AMER1: variants seen among roughly 807,000 people sequenced by gnomAD.
AMER1 encodes APC membrane recruitment protein 1.
Under a neutral mutation model 53.0 loss-of-function variants are expected in AMER1, and 16 were observed. The ratio of observed to expected loss-of-function variants is 0.30; its 90% CI spans 0.20 to 0.46. The LOEUF is 0.46. AMER1 is among the 20% of genes least tolerant of loss of function. The pLI, the probability that AMER1 is intolerant of heterozygous loss-of-function variation, is 1.00. For synonymous variants in AMER1, 354 were observed against 331.9 expected (o/e 1.07, Z -0.73); for missense variants, 947 against 884.9 (o/e 1.07, Z -0.89).
rs766550265 is a variant in AMER1 at position 64,192,102 on chromosome X, C to T, written c.1185G>A (p.Glu395=). Residue 395 remains glutamate (E), a synonymous_variant, in exon 2 of 2, where the codon GAG becomes GAA. Transcript: ENST00000374869. ...CATCTTCTTCCTCCTCCTTAACCTCCTCTTCTTCCTCCTCTAATTCCACCT... is the reference window on the plus strand; with the variant it reads ...CATCTTCTTCCTCCTCCTTAACCTCTTCTTCTTCCTCCTCTAATTCCACCT... ...EEEVELEEEE[E]EVKEEEEDDD... 4 of 1,209,119 alleles carry T rather than the reference C, an allele frequency of 3.3e-6. No homozygotes were observed. Among genetic ancestry groups the T allele is most frequent in the Non-Finnish European group, 4.5e-6 (4 of 894,405 alleles).
Position 64,185,789 on chromosome X carries a change from C to G in AMER1, c.*4090G>C. 4.7e-6 allele frequency: 1 copy of G among 211,799 alleles called. No individual in the cohort carries two copies. The highest frequency in any genetic ancestry group is 2.8e-5 in the African/African-American group (1 of 35,407). The allele number at this position is 211,799 out of a possible 1,213,427, so 17.5% of individuals were successfully genotyped here. ...ACAATCAACTGAGCTCCTAGGAAGT[C>G]CTATGCAAGGGTTTCCTCAACGAGA... On this transcript the variant is annotated 3_prime_UTR_variant, in exon 2 of 2. Coordinates refer to ENST00000374869, the MANE Select transcript of AMER1 (RefSeq NM_152424.4).
At position 64,185,949 on chromosome X, in the gene AMER1, C is replaced by T; in HGVS notation, c.*3930G>A. On this transcript the variant is annotated 3_prime_UTR_variant, in exon 2 of 2. Transcript: ENST00000374869. ...CCCAAAATGCTCCTTTGGAGAAACTCAACAAGACAAATAGCACAACATGGG... is the reference window on the plus strand; with the variant it reads ...CCCAAAATGCTCCTTTGGAGAAACTTAACAAGACAAATAGCACAACATGGG... 2.3e-6 allele frequency: 1 copy of T among 438,802 alleles called. No individual in the cohort carries two copies. Among genetic ancestry groups the T allele is most frequent in the Non-Finnish European group, 3.7e-6 (1 of 269,875 alleles). The allele number at this position is 438,802 out of a possible 1,213,427, so 36.2% of individuals were successfully genotyped here.
Position 64,193,218 on chromosome X carries a change from T to G in AMER1, c.69A>C (p.Gln23His). ...TGTTCTTGGCTCCTTTTTCTGCTGT[T>G]TGTTCACGGGTACTCCCAGAGGCTG... ...GAAASGSTRE[Q>H]TAEKGAKNKA... The change falls in exon 2 of 2, where the codon CAA (glutamine) becomes CAC (histidine). Residue 23 changes from glutamine to histidine, a missense_variant. Transcript: ENST00000374869. 1 of 1,211,872 alleles carries G rather than the reference T, an allele frequency of 8.3e-7. No individual in the cohort carries two copies. Among genetic ancestry groups the G allele is most frequent in the Non-Finnish European group, 1.1e-6 (1 of 895,548 alleles).
At chrX:64,201,016 G>T (rs1184022702) in intron 1 of AMER1, among the ~76,000 whole-genome samples, 1 of 110,809 alleles carries the variant, frequency 9.0e-6, no homozygotes, top group African/African-American at 3.3e-5. Flanking sequence ...CCCAGCGGGG[G>T]TAAAAACTGT....
chrX:64,189,639 G>A lies in AMER1; in HGVS notation c.*240C>T. On this transcript the variant is annotated 3_prime_UTR_variant, in exon 2 of 2. Transcript: ENST00000374869. ...TGGGTCACAAGAAGAAACCTCGAAA[G>A]CAAAAACTGGAGTGCAGTAGCAGCA... The A allele has an allele frequency of 2.0e-6, 2 of 989,888 alleles. No individual in the cohort carries two copies. The highest frequency in any genetic ancestry group is 2.5e-6 in the Non-Finnish European group (2 of 787,804). The allele number at this position is 989,888 out of a possible 1,213,427, so 81.6% of individuals were successfully genotyped here.
intron 1 of AMER1, among the ~76,000 whole-genome samples, chrX:64,198,467 T>C (rs1930421393): frequency 9.0e-6 from 1 of 111,495 alleles, no homozygotes; most frequent in African/African-American, 3.3e-5. Flanking sequence ...CAAGGTCACA[T>C]AGTGAAATGG....
chrX:64,201,672 G>C (rs189459003), intron 1 of AMER1, among the ~76,000 whole-genome samples: 2 of 111,869 alleles, frequency 1.8e-5, no homozygotes, highest in African/African-American at 6.5e-5. Flanking sequence ...AATAACATTG[G>C]ACATTCTCTC....
chrX:64,185,672 G>A lies in AMER1; in HGVS notation c.*4207C>T, dbSNP rs1422013480. 1.7e-5 allele frequency: 3 copies of A among 179,056 alleles called. No individual in the cohort carries two copies. The highest frequency in any genetic ancestry group is 3.2e-5 in the Non-Finnish European group (3 of 94,716). 14.8% of individuals were successfully genotyped at this position (179,056 alleles called of 1,213,427 possible). ...TCCACGTGTGAGCTGGAGCAGGGCA[G>A]GGGAGGGGGAATGGTGGTAGGGGAG... On this transcript the variant is annotated 3_prime_UTR_variant, in exon 2 of 2. Transcript: ENST00000374869.
Position 64,189,793 on chromosome X carries a change from A to ACGGGCCCCCCCCCCCCC in AMER1, c.*85_*86insGGGGGGGGGGGGGCCCG. 3.4e-6 allele frequency: 1 copy of ACGGGCCCCCCCCCCCCC among 292,069 alleles called. No homozygotes were observed. The highest frequency in any genetic ancestry group is 4.9e-6 in the Non-Finnish European group (1 of 204,827). The allele number at this position is 292,069 out of a possible 1,213,427, so 24.1% of individuals were successfully genotyped here. A position where few individuals can be genotyped will look rare whatever the true frequency, so the allele number is the denominator to read the frequency against. On this transcript the variant is annotated 3_prime_UTR_variant, in exon 2 of 2. Coordinates refer to ENST00000374869, the MANE Select transcript of AMER1 (RefSeq NM_152424.4). ...CAAAGGGTTTTCAAGTTAAACAACAACCCCCACCCCCCCACCCTTCTGCCC... is the reference window on the plus strand; with the variant it reads ...CAAAGGGTTTTCAAGTTAAACAACAACGGGCCCCCCCCCCCCCCCCCCACCCCCCCACCCTTCTGCCC...
At position 64,187,985 on chromosome X, in the gene AMER1, G is replaced by A; in HGVS notation, c.*1894C>T. On this transcript the variant is annotated 3_prime_UTR_variant, in exon 2 of 2. Transcript: ENST00000374869. ...ATGCAAATTCATGTGGTGCTTCCAG[G>A]GGTGCAGCTTCTACCAGCCAGGTCT... The A allele has an allele frequency of 1.3e-6, 1 of 781,122 alleles. No individual in the cohort carries two copies. Among genetic ancestry groups the A allele is most frequent in the Non-Finnish European group, 1.5e-6 (1 of 655,132 alleles). The allele number at this position is 781,122 out of a possible 1,213,427, so 64.4% of individuals were successfully genotyped here.
chrX:64,189,150 C>T lies in AMER1; in HGVS notation c.*729G>A. ...AAAGGCCCCCATCTGGTCATGATGC[C>T]AAAGTCCACAGCGATAGGCTGTGAG... is the stretch of plus-strand genomic sequence containing the variant. On this transcript the variant is annotated 3_prime_UTR_variant, in exon 2 of 2. Coordinates refer to ENST00000374869, the MANE Select transcript of AMER1 (RefSeq NM_152424.4). 1.3e-6 allele frequency: 1 copy of T among 799,937 alleles called. No individual in the cohort carries two copies. Among genetic ancestry groups the T allele is most frequent in the Non-Finnish European group, 1.5e-6 (1 of 667,262 alleles). The allele number at this position is 799,937 out of a possible 1,213,427, so 65.9% of individuals were successfully genotyped here.
chrX:64,186,976 A>C lies in AMER1; in HGVS notation c.*2903T>G, dbSNP rs943012104. On this transcript the variant is annotated 3_prime_UTR_variant, in exon 2 of 2. Coordinates refer to ENST00000374869, the MANE Select transcript of AMER1 (RefSeq NM_152424.4). ...TCCACTAAGTCCCATTTTCCCTTAA[A>C]ATCACATCCAAAAGCATTATTCCAG... 3 of 774,442 alleles carry C rather than the reference A, an allele frequency of 3.9e-6. No homozygotes were observed. The African/African-American group carries it at 6.8e-5, about 18-fold the overall frequency. 63.8% of individuals were successfully genotyped at this position (774,442 alleles called of 1,213,427 possible).
rs1162479474 is a variant in AMER1, at chrX:64,189,521, T to A, written c.*358A>T. ...GTGTGTGTGTGTGTGTGTGTATATA[T>A]ATATATATATATATATATATATATA... On this transcript the variant is annotated 3_prime_UTR_variant, in exon 2 of 2. Coordinates refer to ENST00000374869, the MANE Select transcript of AMER1 (RefSeq NM_152424.4). The A allele has an allele frequency of 1.8e-5, 1 of 56,908 alleles. No homozygotes were observed. The highest frequency in any genetic ancestry group is 9.8e-4 in the South Asian group (1 of 1,016). The allele number at this position is 56,908 out of a possible 1,213,427, so 4.7% of individuals were successfully genotyped here.
At chrX:64,199,525 G>A (rs759864844) in intron 1 of AMER1, among the ~76,000 whole-genome samples, 2 of 112,010 alleles carry the variant, frequency 1.8e-5, no homozygotes, top group South Asian at 7.5e-4. Flanking sequence ...AAGGATTAGA[G>A]ATGATCAATG....
Position 64,192,389 on chromosome X carries a change from G to T in AMER1, c.898C>A (p.Pro300Thr), listed in dbSNP as rs745954685. 7.9e-5 allele frequency: 96 copies of T among 1,211,108 alleles called. No homozygotes were observed. Among genetic ancestry groups the T allele is most frequent in the Non-Finnish European group, 1.0e-4 (92 of 895,418 alleles). The change falls in exon 2 of 2, where the codon CCA (proline) becomes ACA (threonine). Residue 300 changes from proline (P) to threonine (T), a missense_variant. By Grantham distance (38) the Pro-to-Thr change is conservative. Coordinates refer to ENST00000374869, the MANE Select transcript of AMER1 (RefSeq NM_152424.4). ...GEKVVAGEVNPPNGPVGDPLS... is the reference protein window; with the variant it reads ...GEKVVAGEVNTPNGPVGDPLS... ...GGGTCCCCCACAGGGCCATTGGGTG[G>T]GTTTACCTCTCCTGCTACTACCTTC...
rs2147087220 is a variant in AMER1, at chrX:64,191,396, G to A, written c.1891C>T (p.Arg631Ter). 8.3e-7 allele frequency: 1 copy of A among 1,211,402 alleles called. No homozygotes were observed. The change falls in exon 2 of 2, where the codon CGA becomes TGA. Residue 631 changes from arginine to a stop codon, truncating the protein, a stop_gained. Transcript: ENST00000374869. LOFTEE classifies it high-confidence loss of function. ...REARTREAQA[R>*]EVRCRETQVR... is the part of the protein sequence containing the mutation. ...TGAGTCTCTCTACAACGAACCTCTC[G>A]GGCCTGGGCTTCTCGGGTTCTGGCC... is the stretch of plus-strand genomic sequence containing the variant.
At chrX:64,197,691 T>C (rs868075733) in intron 1 of AMER1, among the ~76,000 whole-genome samples, 7 of 112,158 alleles carry the variant, frequency 6.2e-5, no homozygotes, top group South Asian at 3.7e-4. Flanking sequence ...CTTCTGTATG[T>C]TGGGGAGGGT....
At position 64,189,768 on chromosome X, in the gene AMER1, C is replaced by T. The variant is rs1930197974; in HGVS notation, c.*111G>A. ...AAACTCACAGGAGTTTTCCTTGGCC[C>T]AAAGGGTTTTCAAGTTAAACAACAA... On this transcript the variant is annotated 3_prime_UTR_variant, in exon 2 of 2. Coordinates refer to ENST00000374869, the MANE Select transcript of AMER1 (RefSeq NM_152424.4). 12 of 1,122,310 alleles carry T rather than the reference C, an allele frequency of 1.1e-5. No individual in the cohort carries two copies. In the East Asian group the frequency reaches 3.4e-4, roughly 32 times the overall value. 92.5% of individuals were successfully genotyped at this position (1,122,310 alleles called of 1,213,427 possible).
chrX:64,189,676 G>A lies in AMER1; in HGVS notation c.*203C>T, dbSNP rs761967224. ...GTGCAGTAGCAGCAGCAGCCTCCCT[G>A]GGCAGATGCACTTGAGTTGAACGTG... On this transcript the variant is annotated 3_prime_UTR_variant, in exon 2 of 2. Coordinates refer to ENST00000374869, the MANE Select transcript of AMER1 (RefSeq NM_152424.4). 5 of 1,072,462 alleles carry A rather than the reference G, an allele frequency of 4.7e-6. No individual in the cohort carries two copies. The South Asian group carries it at 9.9e-5, about 21-fold the overall frequency. 88.4% of individuals were successfully genotyped at this position (1,072,462 alleles called of 1,213,427 possible). A position where few individuals can be genotyped will look rare whatever the true frequency, so the allele number is the denominator to read the frequency against.
Sources: allele counts gnomAD v4.1 joint callset (sites outside exome capture counted in the v4.1 genomes callset), GRCh38; gene constraint gnomAD v4.1.1; transcripts MANE v1.5; gene names NCBI Gene and HGNC (gene_info 2026-07-23, HGNC 2026-07-21).